RALY: variants seen among roughly 807,000 people sequenced by gnomAD.
The protein encoded by RALY is RALY heterogeneous nuclear ribonucleoprotein, also known as RNA-binding protein Raly.
In RALY, 15 loss-of-function variants were observed where a neutral mutation model predicts 30.7. That is an observed-to-expected ratio of 0.49 (90% CI 0.33 to 0.75). The LOEUF is 0.75. Among genes scored for constraint, RALY ranks in the 30% least tolerant of loss-of-function variants. RALY has a pLI of 0.02. For synonymous variants in RALY, 177 were observed against 170.8 expected (o/e 1.04, Z -0.28); for missense variants, 339 against 414.3 (o/e 0.82, Z 1.58).
chr20:34,077,564 A>G (rs368878617), intron 8 of RALY: 168 of 466,752 alleles, frequency 3.6e-4, no homozygotes, highest in African/African-American at 2.8e-3. Context: ...AGAGCTTCAG[A>G]GCAGGGCTGG....
At position 34,084,760 on chromosome 20, in the gene RALY, G is replaced by A. The variant is rs1480644885; in HGVS notation, c.*4855G>A. 6.6e-6 allele frequency: 1 copy of A among 152,386 alleles called. No homozygotes were observed. Among genetic ancestry groups the A allele is most frequent in the Non-Finnish European group, 1.5e-5 (1 of 68,148 alleles). 9.4% of individuals were successfully genotyped at this position (152,386 alleles called of 1,614,324 possible). ...CAGCAGTATCAAATGTCAGACATGA[G>A]AGAGGAAGGCTTCAAGATGACTCCA... On this transcript the variant is annotated 3_prime_UTR_variant, in exon 10 of 10. Transcript: ENST00000246194.
At chr20:34,000,359 A>G (rs1401756811) in intron 1 of RALY, among the ~76,000 whole-genome samples, 2 of 151,938 alleles carry the variant, frequency 1.3e-5, no homozygotes, top group Non-Finnish European at 2.9e-5. Context: ...ATAAAGGCCC[A>G]AAGAGTGGGG....
intron 1 of RALY, among the ~76,000 whole-genome samples, chr20:34,025,437 T>C (rs1001562677): frequency 1.3e-5 from 2 of 152,076 alleles, no homozygotes; most frequent in African/African-American, 2.4e-5. Context: ...TAGCTGGGAC[T>C]ACAGGCATGC....
At chr20:34,063,941 T>C (rs2033491971) in intron 2 of RALY, among the ~76,000 whole-genome samples, 1 of 151,988 alleles carries the variant, frequency 6.6e-6, no homozygotes, top group East Asian at 1.9e-4. Flanking sequence ...GTGGCCATGG[T>C]AGATGTCGCC....
intron 1 of RALY, among the ~76,000 whole-genome samples, chr20:34,021,209 G>A (rs2031806297): frequency 6.6e-6 from 1 of 152,094 alleles, no homozygotes; most frequent in African/African-American, 2.4e-5. Context: ...TGATCTACCT[G>A]CCTGGACCTC....
rs142466996 is a variant in RALY, at chr20:34,012,065, C to CAA, written c.-93+17948_-93+17949dup. Among the ~76,000 whole-genome samples the CAA allele has an allele frequency of 2.9e-3, 340 of 116,586 alleles. 3 individuals are homozygous for CAA. Among genetic ancestry groups the CAA allele is most frequent in the African/African-American group, 8.7e-3 (313 of 36,080 alleles). The allele number at this position is 116,586 out of a possible 152,430, so 76.5% of individuals were successfully genotyped here. A position where few individuals can be genotyped will look rare whatever the true frequency, so the allele number is the denominator to read the frequency against. On this transcript the variant is annotated intron_variant, in intron 1 of 9. Coordinates refer to ENST00000246194, the MANE Select transcript of RALY (RefSeq NM_016732.3). ...TGGGCGACAGAGTGAGACCCTGTCT[C>CAA]AAAAAAAAAAAAAAAGAAAAAGAAA...
At chr20:34,078,453 C>T in intron 8 of RALY, 52 bp from the exon 9 acceptor site, 1 of 1,497,624 alleles carries the variant, frequency 6.7e-7, no homozygotes, top group Non-Finnish European at 9.0e-7. Flanking sequence ...CAGGGCAGGA[C>T]TCAGAGCTGG....
At position 34,077,323 on chromosome 20, in the gene RALY, C is replaced by A. The variant is rs1026659717; in HGVS notation, c.876+78C>A. 14 of 1,584,428 alleles carry A rather than the reference C, an allele frequency of 8.8e-6. No homozygotes were observed. In the Admixed American group the frequency reaches 2.5e-4, roughly 29 times the overall value. On this transcript the variant is annotated intron_variant, in intron 8 of 9. Transcript: ENST00000246194. ...GGAGGCCAACAGGGGAATGGGCAGC[C>A]TGAGCTGGTTGCCCCCACTGTGAAC...
chr20:34,068,580 G>A (rs2033642471), intron 2 of RALY, among the ~76,000 whole-genome samples: 1 of 152,186 alleles, frequency 6.6e-6, no homozygotes, highest in African/African-American at 2.4e-5. Context: ...CATTTGCAGG[G>A]CAGAGTAATA....
intron 1 of RALY, among the ~76,000 whole-genome samples, chr20:34,011,032 T>TG (rs11325275): frequency 0.011 from 863 of 78,622 alleles, 6 homozygotes; most frequent in Non-Finnish European, 0.019. Context: ...ATAAACTGGG[T>TG]GGGGGGGGGG....
chr20:34,060,086 T>C (rs2033371445), intron 2 of RALY, among the ~76,000 whole-genome samples: 1 of 152,206 alleles, frequency 6.6e-6, no homozygotes, highest in African/African-American at 2.4e-5. Context: ...TTCCAAATAC[T>C]AGAGTTTTGG....
At chr20:34,036,334 T>G (rs1427042905) in intron 2 of RALY, among the ~76,000 whole-genome samples, 2 of 152,230 alleles carry the variant, frequency 1.3e-5, no homozygotes, top group Non-Finnish European at 2.9e-5. Flanking sequence ...GACTGTTGGA[T>G]TTTGTTGATT....
At position 34,045,274 on chromosome 20, in the gene RALY, A is replaced by G. The variant is rs563358286; in HGVS notation, c.-10+13670A>G. ...ATTAGTAAATCAATTATGTAATTCT[A>G]TATGCATTATGAAGAAAGATAAGCA... is the stretch of plus-strand genomic sequence containing the variant. On this transcript the variant is annotated intron_variant, in intron 2 of 9. Coordinates refer to ENST00000246194, the MANE Select transcript of RALY (RefSeq NM_016732.3). Among the ~76,000 whole-genome samples, 10 of 152,314 alleles carry G rather than the reference A, an allele frequency of 6.6e-5. 1 individual carries two copies. The South Asian group carries it at 8.3e-4, about 13-fold the overall frequency.
At chr20:34,031,871 T>C (rs907242779) in intron 2 of RALY, among the ~76,000 whole-genome samples, 1 of 152,208 alleles carries the variant, frequency 6.6e-6, no homozygotes, top group Non-Finnish European at 1.5e-5. Context: ...TGCTAGCTGC[T>C]TTCTGCTGGG....
At chr20:34,028,401 A>T (rs2032126749) in intron 1 of RALY, among the ~76,000 whole-genome samples, 1 of 152,082 alleles carries the variant, frequency 6.6e-6, no homozygotes, top group Non-Finnish European at 1.5e-5. Context: ...GCCTTAGCTG[A>T]TGGTGAGTGC....
In RALY at chr20:34,081,037, G is replaced by A. The variant is rs1003425238; in HGVS notation, c.*1132G>A. 2.6e-5 allele frequency: 4 copies of A among 152,190 alleles called. No individual in the cohort carries two copies. The highest frequency in any genetic ancestry group is 4.4e-5 in the Non-Finnish European group (3 of 68,044). 9.4% of individuals were successfully genotyped at this position (152,190 alleles called of 1,614,324 possible). ...CAATCAGCCGGGTTCCTTCAAACGT[G>A]TGCTGCTTATACATGCTCATTGTGT... On this transcript the variant is annotated 3_prime_UTR_variant, in exon 10 of 10. Transcript: ENST00000246194.
intron 2 of RALY, among the ~76,000 whole-genome samples, chr20:34,060,861 A>G (rs1403023231): frequency 6.6e-6 from 1 of 152,188 alleles, no homozygotes; most frequent in Non-Finnish European, 1.5e-5. Flanking sequence ...CACTGATGAA[A>G]ATTTGACGAC....
rs1347640217 is a variant in RALY, at chr20:34,081,333, C to G, written c.*1428C>G. The G allele has an allele frequency of 6.6e-6, 1 of 152,306 alleles. No individual in the cohort carries two copies. The highest frequency in any genetic ancestry group is 6.5e-5 in the Admixed American group (1 of 15,272). The allele number at this position is 152,306 out of a possible 1,614,324, so 9.4% of individuals were successfully genotyped here. A position where few individuals can be genotyped will look rare whatever the true frequency, so the allele number is the denominator to read the frequency against. ...CGTACTCCTCCTGCTCCTACTTTCT[C>G]TACCTGGGAAATAGCCGCTCAGGAC... On this transcript the variant is annotated 3_prime_UTR_variant, in exon 10 of 10. Coordinates refer to ENST00000246194, the MANE Select transcript of RALY (RefSeq NM_016732.3).
chr20:34,037,362 G>C (rs2032535536), intron 2 of RALY, among the ~76,000 whole-genome samples: 2 of 152,196 alleles, frequency 1.3e-5, no homozygotes, highest in Admixed American at 1.3e-4. Context: ...GGCCTCCCAG[G>C]CTTCTGCAGA....
Sources: gnomAD v4.1 joint callset for allele counts (sites outside exome capture counted in the v4.1 genomes callset) on GRCh38, gnomAD v4.1.1 for gene constraint, MANE v1.5 for transcripts, NCBI Gene and HGNC (gene_info 2026-07-23, HGNC 2026-07-21) for gene names.